Variants in DLGAP2 observed in about 807,000 individuals in gnomAD.
DLGAP2 encodes the protein disks large-associated protein 2.
A neutral mutation model predicts 100.3 loss-of-function variants in DLGAP2; 26 were observed. That is an observed-to-expected ratio of 0.26 (90% confidence interval 0.19 to 0.36). The LOEUF is 0.36. Ranked by LOEUF, DLGAP2 falls within the 10% of genes least tolerant of loss-of-function variation. The probability of loss-of-function intolerance (pLI) is 1.00; values close to 1 mark genes in which losing one functional copy is unlikely to be tolerated. For synonymous variants in DLGAP2, 886 were observed against 630.1 expected (o/e 1.41, Z -6.08); for missense variants, 1,858 against 1,453.2 (o/e 1.28, Z -4.53).
chr8:1,155,027 C>G (rs986351015), intron 2 of DLGAP2, among the ~76,000 whole-genome samples: 3 of 152,198 alleles, frequency 2.0e-5, no homozygotes, highest in African/African-American at 4.8e-5. Context: ...TCTGTTCCCA[C>G]TCATTCTCGC....
chr8:1,227,716 A>G (rs77309714), intron 2 of DLGAP2, among the ~76,000 whole-genome samples: 2 of 152,326 alleles, frequency 1.3e-5, no homozygotes, highest in African/African-American at 4.8e-5. Context: ...GTGGAATTAT[A>G]TAAAGAGATA....
At chr8:1,268,196 T>A (rs1215852833) in intron 3 of DLGAP2, among the ~76,000 whole-genome samples, 1 of 152,168 alleles carries the variant, frequency 6.6e-6, no homozygotes, top group Admixed American at 6.5e-5. Context: ...ACCTCCATGA[T>A]AGTCTCAGGA....
At chr8:1,127,649 C>G (rs1394482783) in intron 2 of DLGAP2, among the ~76,000 whole-genome samples, 1 of 152,224 alleles carries the variant, frequency 6.6e-6, no homozygotes, top group East Asian at 1.9e-4. Flanking sequence ...CCCCTCCTTT[C>G]CCTGTCCCTG....
intron 6 of DLGAP2, among the ~76,000 whole-genome samples, chr8:1,625,145 A>C (rs1210845921): frequency 6.6e-6 from 1 of 152,334 alleles, no homozygotes; most frequent in African/African-American, 2.4e-5. Context: ...CCAACTCTGG[A>C]GTCAGAATCG....
At position 1,549,110 on chromosome 8, in the gene DLGAP2, C is replaced by G. The variant is rs769287014; in HGVS notation, c.657C>G (p.Ala219=). 1.6e-5 allele frequency: 26 copies of G among 1,585,642 alleles called. No homozygotes were observed. The highest frequency in any genetic ancestry group is 2.1e-5 in the Non-Finnish European group (25 of 1,168,814). The part of the protein sequence containing the change: ...TLQYQRTSAA[A]EQRSESPGRI... ...AGTACCAGAGGACGTCCGCGGCCGC[C>G]GAGCAGCGCAGCGAGAGCCCCGGGC... Residue 219 remains alanine, a synonymous_variant, in exon 5 of 15, where the codon GCC becomes GCG. Coordinates refer to ENST00000637795, the MANE Select transcript of DLGAP2 (RefSeq NM_001346810.2).
chr8:1,276,615 T>C (rs1489159820), intron 3 of DLGAP2, among the ~76,000 whole-genome samples: 2 of 151,272 alleles, frequency 1.3e-5, no homozygotes, highest in Admixed American at 1.4e-4. Context: ...CCAAAGGTGG[T>C]GCGTCTTGTG....
intron 2 of DLGAP2, among the ~76,000 whole-genome samples, chr8:976,489 G>GT (rs1234883822): frequency 1.3e-5 from 2 of 152,182 alleles, no homozygotes; most frequent in African/African-American, 2.4e-5. Flanking sequence ...GCAGGTGCCT[G>GT]TAGTCCCAGC....
chr8:1,239,328 CTG>C (rs1214266604), intron 2 of DLGAP2, among the ~76,000 whole-genome samples: 1 of 12,354 alleles, frequency 8.1e-5, no homozygotes, highest in South Asian at 2.6e-3. Flanking sequence ...GTGCCTAGTT[CTG>C]TCTCACATGG....
chr8:1,695,350 AG>A (rs1413211319), intron 13 of DLGAP2, among the ~76,000 whole-genome samples: 2 of 135,734 alleles, frequency 1.5e-5, no homozygotes, highest in African/African-American at 3.5e-5. Flanking sequence ...CTACAGAAAG[AG>A]GGGGCACAGC....
At chr8:851,142 A>T (rs1797175832) in intron 1 of DLGAP2, among the ~76,000 whole-genome samples, 1 of 152,234 alleles carries the variant, frequency 6.6e-6, no homozygotes, top group Non-Finnish European at 1.5e-5. Flanking sequence ...ATGTAGATGC[A>T]CAAGTGCCAT....
chr8:1,378,901 G>C (rs1362653764), intron 3 of DLGAP2, among the ~76,000 whole-genome samples: 7 of 152,160 alleles, frequency 4.6e-5, no homozygotes, highest in Non-Finnish European at 1.0e-4. Flanking sequence ...ATGCTTCCCT[G>C]TCCTTTGGCC....
chr8:841,184 A>T (rs974119365), intron 1 of DLGAP2, among the ~76,000 whole-genome samples: 2 of 152,210 alleles, frequency 1.3e-5, no homozygotes, highest in East Asian at 3.9e-4. Flanking sequence ...CTTCCCCTGA[A>T]TTTAAAAGTT....
At chr8:1,579,113 G>A (rs1365332546) in intron 6 of DLGAP2, among the ~76,000 whole-genome samples, 3 of 152,076 alleles carry the variant, frequency 2.0e-5, no homozygotes, top group Non-Finnish European at 4.4e-5. Flanking sequence ...AATTTCATTT[G>A]GAGGCCTTTG....
intron 3 of DLGAP2, among the ~76,000 whole-genome samples, chr8:1,334,071 C>A (rs1247102810): frequency 1.3e-5 from 2 of 152,240 alleles, no homozygotes; most frequent in African/African-American, 2.4e-5. Flanking sequence ...ACCCCTGTGC[C>A]CCTGAGAGCC....
At chr8:1,501,185 C>A (rs1247597640) in intron 3 of DLGAP2, among the ~76,000 whole-genome samples, 181 bp from the exon 4 acceptor site, 7 of 152,198 alleles carry the variant, frequency 4.6e-5, no homozygotes, top group Admixed American at 3.9e-4. Flanking sequence ...ACAGAAAACA[C>A]TGGTTGTTCC....
intron 2 of DLGAP2, among the ~76,000 whole-genome samples, chr8:1,076,980 C>A (rs1803638055): frequency 7.0e-6 from 1 of 143,338 alleles, no homozygotes; most frequent in Non-Finnish European, 1.5e-5. Flanking sequence ...AGGAGTCTGT[C>A]CCGGGCCCCC....
chr8:1,440,161 G>A (rs999555089), intron 3 of DLGAP2, among the ~76,000 whole-genome samples: 1 of 152,158 alleles, frequency 6.6e-6, no homozygotes, highest in African/African-American at 2.4e-5. Context: ...GTCTGTTAAA[G>A]TAAGGGGAGA....
intron 2 of DLGAP2, among the ~76,000 whole-genome samples, chr8:1,193,865 G>A (rs144602904): frequency 6.6e-6 from 1 of 152,118 alleles, no homozygotes; most frequent in Non-Finnish European, 1.5e-5. Flanking sequence ...GGCCTCTAGA[G>A]CCTCCGCACC....
chr8:1,558,704 C>T (rs538637125), intron 5 of DLGAP2, among the ~76,000 whole-genome samples: 5 of 146,544 alleles, frequency 3.4e-5, no homozygotes, highest in African/African-American at 5.1e-5. Flanking sequence ...CACACATACA[C>T]GTATACACAC....
Sources: gnomAD v4.1 joint callset for allele counts (sites outside exome capture counted in the v4.1 genomes callset) on GRCh38, gnomAD v4.1.1 for gene constraint, MANE v1.5 for transcripts, NCBI Gene and HGNC (gene_info 2026-07-23, HGNC 2026-07-21) for gene names.